Variants in TRAK1 observed in about 807,000 individuals in gnomAD.
The protein encoded by TRAK1 is trafficking kinesin protein 1.
A neutral mutation model predicts 92.1 loss-of-function variants in TRAK1; 33 were observed. That is an observed-to-expected ratio of 0.36 (90% confidence interval 0.27 to 0.48). The LOEUF (loss-of-function observed/expected upper bound fraction) is 0.48, where lower values mean the gene tolerates loss of function less well. Ranked by LOEUF, TRAK1 falls within the 20% of genes least tolerant of loss-of-function variation. The pLI, the probability that TRAK1 is intolerant of heterozygous loss-of-function variation, is 0.99. For synonymous variants in TRAK1, 521 were observed against 517.3 expected (o/e 1.01, Z -0.10); for missense variants, 1,123 against 1,257.9 (o/e 0.89, Z 1.62).
intron 1 of TRAK1, among the ~76,000 whole-genome samples, chr3:42,032,974 T>C (rs1297484262): frequency 6.6e-6 from 1 of 152,234 alleles, no homozygotes; most frequent in Non-Finnish European, 1.5e-5. Context: ...GAAGGAATTT[T>C]TCCTGTGGAG....
chr3:42,052,225 C>T (rs1466492411), intron 1 of TRAK1, among the ~76,000 whole-genome samples: 2 of 152,240 alleles, frequency 1.3e-5, no homozygotes, highest in African/African-American at 4.8e-5. Context: ...CTTGCTCTTT[C>T]AGCAGTAGCC....
chr3:42,037,954 GC>G (rs1702384804), intron 1 of TRAK1, among the ~76,000 whole-genome samples: 1 of 152,194 alleles, frequency 6.6e-6, no homozygotes. Flanking sequence ...AGTCCAGATA[GC>G]CTCTCCTTTT....
chr3:42,140,254 G>T (rs557405751), intron 2 of TRAK1, among the ~76,000 whole-genome samples: 1 of 152,272 alleles, frequency 6.6e-6, no homozygotes, highest in South Asian at 2.1e-4. Flanking sequence ...GGTTTGGGAG[G>T]GGGTAGTTGA....
At chr3:42,175,656 T>C (rs561856195) in intron 2 of TRAK1, among the ~76,000 whole-genome samples, 2 of 152,350 alleles carry the variant, frequency 1.3e-5, no homozygotes, top group South Asian at 4.1e-4. Context: ...GCTAATTTAC[T>C]AGGATGATCT....
chr3:42,084,616 G>T (rs1704588224), upstream of TRAK1, among the ~76,000 whole-genome samples: 1 of 152,112 alleles, frequency 6.6e-6, no homozygotes, highest in Non-Finnish European at 1.5e-5. Context: ...TTCAGCCGGT[G>T]AATTCCCATC....
chr3:42,222,459 T>G (rs1466123496), intron 15 of TRAK1, among the ~76,000 whole-genome samples: 1 of 152,100 alleles, frequency 6.6e-6, no homozygotes, highest in Non-Finnish European at 1.5e-5. Context: ...ATAAGGAGTA[T>G]CTCATCTCCC....
intron 6 of TRAK1, among the ~76,000 whole-genome samples, chr3:42,190,961 C>G (rs1403739544): frequency 6.6e-6 from 1 of 152,142 alleles, no homozygotes; most frequent in Non-Finnish European, 1.5e-5. Flanking sequence ...GCCTTCAGAT[C>G]TCTATCATCC....
At chr3:42,125,319 TA>T in intron 1 of TRAK1, 100 bp from the exon 2 acceptor site, 1 of 1,037,270 alleles carries the variant, frequency 9.6e-7, no homozygotes, top group Non-Finnish European at 1.4e-6. Context: ...GTGCTGTAGA[TA>T]AATAACCGAA....
intron 2 of TRAK1, among the ~76,000 whole-genome samples, chr3:42,130,832 G>T (rs947455269): frequency 6.6e-6 from 1 of 152,128 alleles, no homozygotes; most frequent in Admixed American, 6.5e-5. Flanking sequence ...AACCATCATT[G>T]TTCACATGGG....
At chr3:42,031,619 C>CGA (rs1702150741) in intron 1 of TRAK1, among the ~76,000 whole-genome samples, 1 of 94,560 alleles carries the variant, frequency 1.1e-5, no homozygotes, top group South Asian at 6.0e-4. Flanking sequence ...GGGGACAGAG[C>CGA]GAGACCTTGT....
At chr3:42,107,194 T>G (rs1387157086) in intron 1 of TRAK1, among the ~76,000 whole-genome samples, 1 of 152,140 alleles carries the variant, frequency 6.6e-6, no homozygotes, top group Non-Finnish European at 1.5e-5. Flanking sequence ...TAGAAATGTT[T>G]TTGGACAACA....
intron 10 of TRAK1, among the ~76,000 whole-genome samples, chr3:42,196,111 G>T (rs541723059): frequency 6.6e-6 from 1 of 152,220 alleles, no homozygotes; most frequent in Non-Finnish European, 1.5e-5. Flanking sequence ...GGGATTCTCA[G>T]CTTTCATATT....
chr3:42,125,509 ATCTACGGT>A lies in TRAK1; in HGVS notation c.183_190del (p.Tyr62Ter). ...CCATTATAAGTTAAGAGCCGACACC[ATCTACGGT>A]TATGACCACGACGACTGGCTCCATA... is the stretch of plus-strand genomic sequence containing the variant. On this transcript the variant is annotated frameshift_variant, in exon 2 of 16. Transcript: ENST00000327628. LOFTEE classifies it high-confidence loss of function. 2.5e-6 allele frequency: 4 copies of A among 1,614,230 alleles called. No homozygotes were observed. The highest frequency in any genetic ancestry group is 3.4e-6 in the Non-Finnish European group (4 of 1,180,040).
intron 1 of TRAK1, among the ~76,000 whole-genome samples, chr3:42,026,245 A>G (rs1453157628): frequency 6.6e-6 from 1 of 152,214 alleles, no homozygotes; most frequent in African/African-American, 2.4e-5. Flanking sequence ...TTAGCATTTC[A>G]TAGAAAGTAT....
intron 1 of TRAK1, among the ~76,000 whole-genome samples, chr3:42,057,209 A>G (rs1703236922): frequency 6.6e-6 from 1 of 152,226 alleles, no homozygotes; most frequent in African/African-American, 2.4e-5. Context: ...TTGGATACCA[A>G]GGAAAATGGA....
At chr3:42,194,405 G>GT (rs749460209) in intron 9 of TRAK1, among the ~76,000 whole-genome samples, 1 of 149,198 alleles carries the variant, frequency 6.7e-6, no homozygotes. Context: ...CCTAATTTTT[G>GT]CTTTTTTTTT....
chr3:42,017,449 A>G (rs1160186890), intron 1 of TRAK1, among the ~76,000 whole-genome samples: 2 of 152,106 alleles, frequency 1.3e-5, no homozygotes, highest in Non-Finnish European at 2.9e-5. Context: ...GTTGTTAGAC[A>G]GAGATACACT....
chr3:42,014,610 A>G (rs557305311), intron 1 of TRAK1, among the ~76,000 whole-genome samples: 1 of 152,316 alleles, frequency 6.6e-6, no homozygotes, highest in East Asian at 1.9e-4. Flanking sequence ...AACAAATGTA[A>G]TGAACTGTAT....
rs556588039 is a variant in TRAK1 at position 42,073,883 on chromosome 3, C to T, written c.-518-13221C>T. Among the ~76,000 whole-genome samples the T allele has an allele frequency of 2.6e-5, 4 of 152,262 alleles. No individual in the cohort carries two copies. In the South Asian group the frequency reaches 8.3e-4, roughly 32 times the overall value. On this transcript the variant is annotated intron_variant, in intron 1 of 16. Coordinates refer to the TRAK1 transcript ENST00000487159. ...ATGGTTGCCTGTCAGCTGCCCCCAACCCAACTTGACCCCGGAGTTCAGACC... is the reference window on the plus strand; with the variant it reads ...ATGGTTGCCTGTCAGCTGCCCCCAATCCAACTTGACCCCGGAGTTCAGACC...
Sources: gnomAD v4.1 joint callset for allele counts (sites outside exome capture counted in the v4.1 genomes callset) on GRCh38, gnomAD v4.1.1 for gene constraint, MANE v1.5 for transcripts, NCBI Gene and HGNC (gene_info 2026-07-23, HGNC 2026-07-21) for gene names.